Variants in INPP4B observed in about 807,000 individuals in gnomAD.
INPP4B encodes inositol polyphosphate-4-phosphatase type II B.
In INPP4B, 55 loss-of-function variants were observed where a neutral mutation model predicts 122.5. The ratio of observed to expected loss-of-function variants is 0.45; its 90% CI spans 0.36 to 0.56. The LOEUF (loss-of-function observed/expected upper bound fraction) is 0.56. INPP4B is among the 20% of genes least tolerant of loss of function. The pLI, the probability that INPP4B is intolerant of heterozygous loss-of-function variation, is 0.00. For missense variants in INPP4B, 1,000 were observed against 1,097.7 expected (o/e 0.91, Z 1.26); for synonymous variants, 403 against 388.7 (o/e 1.04, Z -0.43).
intron 2 of INPP4B, among the ~76,000 whole-genome samples, chr4:142,609,994 G>C (rs958808330): frequency 6.6e-6 from 1 of 152,154 alleles, no homozygotes; most frequent in African/African-American, 2.4e-5. Context: ...CTGAGCACTT[G>C]AAATTTAGCT....
At chr4:142,829,547 TCCTTGTGGTTAG>T (rs1781856871) in intron 1 of INPP4B, among the ~76,000 whole-genome samples, 1 of 152,066 alleles carries the variant, frequency 6.6e-6, no homozygotes, top group South Asian at 2.1e-4. Context: ...TCTGCACTAT[TCCTTGTGGTTAG>T]CCTTTATCCT....
intron 2 of INPP4B, among the ~76,000 whole-genome samples, chr4:142,702,437 C>T (rs1049627411): frequency 2.0e-5 from 3 of 152,018 alleles, no homozygotes; most frequent in Admixed American, 2.0e-4. Flanking sequence ...AAAGCATGAA[C>T]TTCGAGGCCA....
intron 2 of INPP4B, among the ~76,000 whole-genome samples, chr4:142,664,326 G>C (rs62331883): frequency 2.0e-5 from 3 of 151,954 alleles, no homozygotes; most frequent in Admixed American, 6.6e-5. Flanking sequence ...TCTTCTCCCC[G>C]CTAAGGCCAG....
intron 23 of INPP4B, among the ~76,000 whole-genome samples, chr4:142,102,249 C>A (rs1165237855): frequency 1.3e-5 from 2 of 151,858 alleles, no homozygotes; most frequent in African/African-American, 2.4e-5. Context: ...ACACAGAAAA[C>A]CTTAATATAA....
intron 2 of INPP4B, among the ~76,000 whole-genome samples, chr4:142,499,291 GA>G (rs758419684): frequency 1.4e-4 from 21 of 151,678 alleles, no homozygotes; most frequent in African/African-American, 2.4e-4. Context: ...AGCACTCAGA[GA>G]AAAAAAATAT....
intron 1 of INPP4B, among the ~76,000 whole-genome samples, chr4:142,842,947 T>C (rs1402595504): frequency 2.1e-5 from 3 of 142,382 alleles, no homozygotes; most frequent in Non-Finnish European, 4.5e-5. Context: ...TATATATAAA[T>C]ATACATATAT....
At chr4:142,070,332 T>G (rs1766430172) in intron 25 of INPP4B, among the ~76,000 whole-genome samples, 1 of 152,172 alleles carries the variant, frequency 6.6e-6, no homozygotes, top group African/African-American at 2.4e-5. Context: ...TGATGGGACA[T>G]GTCTCAAAAT....
intron 2 of INPP4B, among the ~76,000 whole-genome samples, chr4:142,608,957 G>A (rs1741902779): frequency 1.3e-5 from 2 of 152,032 alleles, no homozygotes; most frequent in South Asian, 2.1e-4. Context: ...GCTCATCCTC[G>A]ATTTAGAGGA....
chr4:142,173,425 GA>G (rs34846567), intron 16 of INPP4B, among the ~76,000 whole-genome samples: 9,174 of 134,892 alleles, frequency 0.068, 851 homozygotes, highest in African/African-American at 0.22. Flanking sequence ...TTCCTACTAA[GA>G]AAAAAAAAAA....
chr4:142,208,307 G>A (rs1352575235), intron 14 of INPP4B, 118 bp downstream of exon 14: 3 of 472,628 alleles, frequency 6.3e-6, no homozygotes, highest in Non-Finnish European at 7.4e-6. Flanking sequence ...AGGTTCAACT[G>A]TTTCATTTTC....
intron 18 of INPP4B, among the ~76,000 whole-genome samples, chr4:142,133,233 T>C (rs1173164390): frequency 6.6e-6 from 1 of 152,230 alleles, no homozygotes; most frequent in East Asian, 1.9e-4. Flanking sequence ...TTATTCAGTC[T>C]CGTGTCTTTA....
intron 23 of INPP4B, among the ~76,000 whole-genome samples, chr4:142,088,275 A>G (rs1251487055): frequency 6.6e-6 from 1 of 152,208 alleles, no homozygotes; most frequent in Non-Finnish European, 1.5e-5. Context: ...TTGCTTTTTA[A>G]TTTATAATCA....
intron 11 of INPP4B, among the ~76,000 whole-genome samples, chr4:142,252,212 G>A (rs1163655386): frequency 7.5e-5 from 11 of 146,248 alleles, no homozygotes; most frequent in South Asian, 2.2e-4. Flanking sequence ...TTTTTGAGAC[G>A]GAGTCTCGCT....
intron 3 of INPP4B, among the ~76,000 whole-genome samples, chr4:142,442,427 A>AAAG (rs1330662553): frequency 1.3e-5 from 2 of 151,086 alleles, no homozygotes; most frequent in Non-Finnish European, 3.0e-5. Context: ...AAAAAAAAAA[A>AAAG]AAAGAGAGAG....
At chr4:142,204,023 T>C (rs146059752) in intron 14 of INPP4B, among the ~76,000 whole-genome samples, 1 of 152,084 alleles carries the variant, frequency 6.6e-6, no homozygotes, top group African/African-American at 2.4e-5. Context: ...TAAAAGAAAG[T>C]AGAAAAATTT....
At chr4:142,442,547 T>C (rs559474716) in intron 3 of INPP4B, among the ~76,000 whole-genome samples, 1 of 152,184 alleles carries the variant, frequency 6.6e-6, no homozygotes, top group East Asian at 1.9e-4. Context: ...GGAAAATATA[T>C]TTGTCACATA....
intron 2 of INPP4B, among the ~76,000 whole-genome samples, chr4:142,559,476 C>T (rs1247525051): frequency 2.6e-5 from 4 of 152,014 alleles, no homozygotes; most frequent in East Asian, 1.9e-4. Flanking sequence ...AAATGGGGCA[C>T]TTACCTCTCA....
chr4:142,676,934 G>A (rs1245170438), intron 2 of INPP4B, among the ~76,000 whole-genome samples: 9 of 152,042 alleles, frequency 5.9e-5, no homozygotes, highest in South Asian at 4.1e-4. Context: ...AGGCATGGGC[G>A]CAGACTTCAT....
chr4:142,421,538 T>C (rs78054019), intron 5 of INPP4B, among the ~76,000 whole-genome samples: 5,198 of 152,262 alleles, frequency 0.034, 326 homozygotes, highest in African/African-American at 0.12. Context: ...GAGTCTCTGA[T>C]ATACATGCAA....
Sources: gnomAD v4.1 joint callset for allele counts (sites outside exome capture counted in the v4.1 genomes callset) on GRCh38, gnomAD v4.1.1 for gene constraint, MANE v1.5 for transcripts, NCBI Gene and HGNC (gene_info 2026-07-23, HGNC 2026-07-21) for gene names.